The following ADAMTS3 variants were observed in gnomAD, a reference collection of about 807,000 sequenced individuals.
The protein encoded by ADAMTS3 is ADAM metallopeptidase with thrombospondin type 1 motif 3.
Under a neutral mutation model 129.0 loss-of-function variants are expected in ADAMTS3, and 73 were observed. The ratio of observed to expected loss-of-function variants is 0.57; its 90% confidence interval spans 0.47 to 0.69. ADAMTS3 has a LOEUF of 0.69. ADAMTS3 is among the 30% of genes least tolerant of loss of function. The pLI is 0.00. For missense variants in ADAMTS3, 1,457 were observed against 1,514.5 expected, an observed-to-expected ratio of 0.96 and a Z score of 0.63; for synonymous variants, 477 against 510.8, an observed-to-expected ratio of 0.93 and a Z score of 0.89.
At chr4:72,446,473 C>T (rs1718256000) in intron 3 of ADAMTS3, among the ~76,000 whole-genome samples, 1 of 151,526 alleles carries the variant, frequency 6.6e-6, no homozygotes, top group South Asian at 2.1e-4. Flanking sequence ...CAAATTCAGG[C>T]TTCTTCCAGG....
intron 3 of ADAMTS3, among the ~76,000 whole-genome samples, chr4:72,480,951 A>C (rs1719417985): frequency 6.6e-6 from 1 of 152,052 alleles, no homozygotes; most frequent in Admixed American, 6.6e-5. Flanking sequence ...ATGCAGTACT[A>C]TTTACAACCA....
At chr4:72,399,344 G>T (rs761340408) in intron 4 of ADAMTS3, among the ~76,000 whole-genome samples, 1 of 151,940 alleles carries the variant, frequency 6.6e-6, no homozygotes, top group African/African-American at 2.4e-5. Flanking sequence ...AAGGTAAGAG[G>T]ATTGCTTAAA....
At chr4:72,411,483 T>A (rs764978745) in intron 4 of ADAMTS3, among the ~76,000 whole-genome samples, 1 of 151,998 alleles carries the variant, frequency 6.6e-6, no homozygotes, top group Non-Finnish European at 1.5e-5. Context: ...ACCTTCAGAT[T>A]CTCAGTGATA....
chr4:72,502,912 CG>C (rs1423982175), intron 3 of ADAMTS3, among the ~76,000 whole-genome samples: 3 of 152,070 alleles, frequency 2.0e-5, no homozygotes, highest in Admixed American at 2.0e-4. Context: ...ATGTTCCCCT[CG>C]GTAAGTGTTT....
chr4:72,298,812 T>A (rs1156763838), intron 17 of ADAMTS3, among the ~76,000 whole-genome samples: 1 of 151,336 alleles, frequency 6.6e-6, no homozygotes, highest in Non-Finnish European at 1.5e-5. Context: ...GGATTAAAAT[T>A]TTTAAATTAA....
chr4:72,547,166 G>A (rs1415275600), intron 3 of ADAMTS3, among the ~76,000 whole-genome samples: 8 of 152,144 alleles, frequency 5.3e-5, no homozygotes, highest in Non-Finnish European at 8.8e-5. Context: ...AAGTGGGGAC[G>A]ATTCTATGAT....
intron 14 of ADAMTS3, among the ~76,000 whole-genome samples, chr4:72,310,194 T>C (rs1719195151): frequency 6.6e-6 from 1 of 152,086 alleles, no homozygotes; most frequent in Admixed American, 6.6e-5. Context: ...ACATTTTCCC[T>C]TGAAACAGGA....
intron 4 of ADAMTS3, among the ~76,000 whole-genome samples, chr4:72,357,896 A>G (rs1477203839): frequency 6.6e-6 from 1 of 151,966 alleles, no homozygotes; most frequent in African/African-American, 2.4e-5. Context: ...ATACATGAGG[A>G]TAGAAATATG....
At chr4:72,391,881 A>G (rs979132569) in intron 4 of ADAMTS3, among the ~76,000 whole-genome samples, 1 of 152,242 alleles carries the variant, frequency 6.6e-6, no homozygotes, top group African/African-American at 2.4e-5. Flanking sequence ...AAAATTAAGA[A>G]GATAACCTAC....
chr4:72,338,091 G>C (rs1279727128), intron 5 of ADAMTS3, among the ~76,000 whole-genome samples: 7 of 152,128 alleles, frequency 4.6e-5, no homozygotes, highest in African/African-American at 1.7e-4. Context: ...TTGTGCATCT[G>C]TATATGGCAC....
At chr4:72,504,989 A>T (rs1720120718) in intron 3 of ADAMTS3, among the ~76,000 whole-genome samples, 1 of 151,950 alleles carries the variant, frequency 6.6e-6, no homozygotes, top group East Asian at 1.9e-4. Flanking sequence ...CTTTGTGTTG[A>T]TTTTCAACCT....
intron 6 of ADAMTS3, among the ~76,000 whole-genome samples, 172 bp downstream of exon 6, chr4:72,322,842 T>C (rs913875555): frequency 6.6e-6 from 1 of 152,126 alleles, no homozygotes; most frequent in South Asian, 2.1e-4. Context: ...CATAATCTGC[T>C]CAAATTTGGA....
At chr4:72,310,352 C>T (rs1340948764) in intron 14 of ADAMTS3, among the ~76,000 whole-genome samples, 2 of 151,988 alleles carry the variant, frequency 1.3e-5, no homozygotes, top group East Asian at 1.9e-4. Flanking sequence ...GTACTAGGTA[C>T]TGCGGCAGGT....
chr4:72,377,290 T>C (rs1292409714), intron 4 of ADAMTS3, among the ~76,000 whole-genome samples: 2 of 152,152 alleles, frequency 1.3e-5, no homozygotes, highest in African/African-American at 2.4e-5. Flanking sequence ...TCTACCCAAA[T>C]CTTTCCAATA....
intron 4 of ADAMTS3, among the ~76,000 whole-genome samples, chr4:72,392,915 A>ATTTTTTTTTTTTTTTTTTTTTTTTT (rs36046621): frequency 7.2e-6 from 1 of 139,852 alleles, no homozygotes. Flanking sequence ...TACCCATCGG[A>ATTTTTTTTTTTTTTTTTTTTTTTTT]TTTTTTTTTT....
chr4:72,414,895 T>C lies in ADAMTS3; in HGVS notation c.581A>G (p.Lys194Arg). ...CTTGTAGACAACATGAATCCTTCCT[T>C]TTTCTTCCTCCATCTGTTTACCTCT... is the stretch of plus-strand genomic sequence containing the variant. ...LERGKQMEEE[K>R]GRIHVVYKRS... The change falls in exon 4 of 22, where the codon AAA (lysine) becomes AGA (arginine). Residue 194 changes from lysine (K) to arginine (R), a missense_variant. Coordinates refer to ENST00000286657, the MANE Select transcript of ADAMTS3 (RefSeq NM_014243.3). 1 of 1,585,624 alleles carries C rather than the reference T, an allele frequency of 6.3e-7. No homozygotes were observed. Among genetic ancestry groups the C allele is most frequent in the Non-Finnish European group, 8.6e-7 (1 of 1,167,670 alleles).
rs1719247641 is a variant in ADAMTS3, at chr4:72,311,992, G to GT, written c.1921+298dup. 3 of 310,448 alleles carry GT rather than the reference G, an allele frequency of 9.7e-6. No individual in the cohort carries two copies. The South Asian group carries it at 3.1e-4, about 32-fold the overall frequency. 19.2% of individuals were successfully genotyped at this position (310,448 alleles called of 1,614,324 possible). ...CACAATATTCCAGAAGTATTTCCTA[G>GT]TAGAGGGATTTCGGTTGAATCAGGA... On this transcript the variant is annotated intron_variant, in intron 13 of 21. Transcript: ENST00000286657.
At chr4:72,523,003 A>G (rs766471582) in intron 3 of ADAMTS3, among the ~76,000 whole-genome samples, 9 of 152,116 alleles carry the variant, frequency 5.9e-5, no homozygotes, top group Non-Finnish European at 1.0e-4. Context: ...TTTTTAGACT[A>G]GTCTCTTCTA....
At chr4:72,456,973 G>A (rs1718640035) in intron 3 of ADAMTS3, among the ~76,000 whole-genome samples, 1 of 151,666 alleles carries the variant, frequency 6.6e-6, no homozygotes. Flanking sequence ...TCTTAAGTTT[G>A]TAGAAATCAT....
Sources: gnomAD v4.1 joint callset for allele counts (sites outside exome capture counted in the v4.1 genomes callset) on GRCh38, gnomAD v4.1.1 for gene constraint, MANE v1.5 for transcripts, NCBI Gene and HGNC (gene_info 2026-07-23, HGNC 2026-07-21) for gene names.